Variants in COG5 observed in about 807,000 individuals in gnomAD.
The protein encoded by COG5 is conserved oligomeric Golgi complex subunit 5.
COG5 carries 86 observed loss-of-function variants against 110.4 expected under a neutral mutation model. That is an observed-to-expected ratio of 0.78 (90% confidence interval 0.65 to 0.93). COG5 has a LOEUF of 0.93. Among genes scored for constraint, COG5 ranks in the 40% least tolerant of loss-of-function variants. The pLI, the probability that COG5 is intolerant of heterozygous loss-of-function variation, is 0.00. For missense variants in COG5, 1,077 were observed against 987.0 expected, an observed-to-expected ratio of 1.09 and a Z score of -1.22; for synonymous variants, 360 against 334.6, an observed-to-expected ratio of 1.08 and a Z score of -0.83.
intron 14 of COG5, among the ~76,000 whole-genome samples, chr7:107,278,731 C>A (rs1804909475): frequency 6.6e-6 from 1 of 152,108 alleles, no homozygotes. Context: ...ACTGGCTAAC[C>A]ATATGCAGAA....
At chr7:107,561,355 G>T (rs982912532) in intron 1 of COG5, among the ~76,000 whole-genome samples, 4 of 152,208 alleles carry the variant, frequency 2.6e-5, no homozygotes, top group African/African-American at 9.7e-5. Flanking sequence ...CCTCAGGAAT[G>T]TTGGGGGTGG....
At chr7:107,330,490 C>T (rs1163424550) in intron 10 of COG5, among the ~76,000 whole-genome samples, 2 of 152,056 alleles carry the variant, frequency 1.3e-5, no homozygotes, top group East Asian at 3.9e-4. Flanking sequence ...TTAAACAAAA[C>T]AGCTTTCAAA....
At chr7:107,330,335 A>G (rs1032999531) in intron 10 of COG5, among the ~76,000 whole-genome samples, 1 of 152,250 alleles carries the variant, frequency 6.6e-6, no homozygotes, top group African/African-American at 2.4e-5. Context: ...ATTATTACAT[A>G]TAAATAGAAC....
chr7:107,248,042 A>G (rs192908359), intron 17 of COG5, among the ~76,000 whole-genome samples: 57 of 152,282 alleles, frequency 3.7e-4, no homozygotes, highest in African/African-American at 1.3e-3. Flanking sequence ...GAAGTAAGGA[A>G]AAAGACAAGC....
intron 6 of COG5, among the ~76,000 whole-genome samples, chr7:107,417,785 T>C (rs1334453510): frequency 6.6e-6 from 1 of 152,156 alleles, no homozygotes; most frequent in African/African-American, 2.4e-5. Flanking sequence ...GTTATGAAGC[T>C]GAATACTGTT....
rs184346859 is a variant in COG5, at chr7:107,203,972, G to A, written c.2376-342C>T. 2.0e-3 allele frequency among the ~76,000 whole-genome samples: 300 copies of A among 152,262 alleles called. 1 individual carries two copies. Among genetic ancestry groups the A allele is most frequent in the African/African-American group, 6.9e-3 (286 of 41,560 alleles). Reference sequence around the variant, plus strand: ...GACACCGGCAACGGAATGGGCATTTGTGCCTACTCCCAGAGCTCACGAGGG... The same window carrying A: ...GACACCGGCAACGGAATGGGCATTTATGCCTACTCCCAGAGCTCACGAGGG... On this transcript the variant is annotated intron_variant, in intron 21 of 21. Transcript: ENST00000297135.
chr7:107,464,413 T>C (rs1465158210), intron 6 of COG5, among the ~76,000 whole-genome samples: 4 of 152,160 alleles, frequency 2.6e-5, no homozygotes, highest in Non-Finnish European at 4.4e-5. Context: ...TTGAGAAGCT[T>C]CATTCATTTC....
In COG5 at chr7:107,234,100, G is replaced by A. The variant is rs1000920109; in HGVS notation, c.2091+2350C>T. Among the ~76,000 whole-genome samples, 20 of 152,302 alleles carry A rather than the reference G, an allele frequency of 1.3e-4. No individual in the cohort carries two copies. In the East Asian group the frequency reaches 3.5e-3, roughly 26 times the overall value. ...TCCACAGGACTGGAGCCATCCCCAAGGTGAGTGTCAGGATGTTTTGAAACT... is the reference window on the plus strand; with the variant it reads ...TCCACAGGACTGGAGCCATCCCCAAAGTGAGTGTCAGGATGTTTTGAAACT... On this transcript the variant is annotated intron_variant, in intron 18 of 21. Coordinates refer to ENST00000297135, the MANE Select transcript of COG5 (RefSeq NM_006348.5).
chr7:107,326,475 A>G (rs1234642837), intron 10 of COG5, among the ~76,000 whole-genome samples: 1 of 152,238 alleles, frequency 6.6e-6, no homozygotes, highest in Non-Finnish European at 1.5e-5. Context: ...CAAAATCAAC[A>G]CATAAAAATT....
chr7:107,454,184 T>C (rs1048872736), intron 6 of COG5, among the ~76,000 whole-genome samples: 1 of 152,140 alleles, frequency 6.6e-6, no homozygotes, highest in African/African-American at 2.4e-5. Context: ...GAATCCAATA[T>C]GATGAAACCA....
At chr7:107,443,345 T>C (rs1794832459) in intron 6 of COG5, among the ~76,000 whole-genome samples, 1 of 152,166 alleles carries the variant, frequency 6.6e-6, no homozygotes, top group African/African-American at 2.4e-5. Context: ...ATTAGTTGCC[T>C]AGGACTGCAT....
intron 10 of COG5, among the ~76,000 whole-genome samples, chr7:107,341,253 T>A (rs1811146736): frequency 6.6e-6 from 1 of 152,000 alleles, no homozygotes; most frequent in Non-Finnish European, 1.5e-5. Flanking sequence ...GAGAGCCAAA[T>A]GAAGAATGTA....
chr7:107,419,734 A>G (rs1285704854), intron 6 of COG5, among the ~76,000 whole-genome samples: 1 of 152,002 alleles, frequency 6.6e-6, no homozygotes, highest in Non-Finnish European at 1.5e-5. Context: ...TGCCCAGCTA[A>G]TTTTTGTATT....
chr7:107,331,111 C>T (rs1178715475), intron 10 of COG5, among the ~76,000 whole-genome samples: 1 of 152,172 alleles, frequency 6.6e-6, no homozygotes, highest in African/African-American at 2.4e-5. Flanking sequence ...TGTCTACATT[C>T]ATCATAGATA....
chr7:107,271,927 C>T (rs1350948887), intron 14 of COG5, among the ~76,000 whole-genome samples: 1 of 151,852 alleles, frequency 6.6e-6, no homozygotes, highest in Non-Finnish European at 1.5e-5. Context: ...TAGATTTGTT[C>T]TATTTTCATT....
chr7:107,406,533 A>C (rs1274820238), intron 7 of COG5, among the ~76,000 whole-genome samples: 2 of 152,156 alleles, frequency 1.3e-5, no homozygotes. Flanking sequence ...CAAACTTGAC[A>C]ACTGGTAAAA....
chr7:107,336,368 G>A (rs774004356), intron 10 of COG5, among the ~76,000 whole-genome samples: 1 of 152,078 alleles, frequency 6.6e-6, no homozygotes, highest in Non-Finnish European at 1.5e-5. Flanking sequence ...GAGTAGACTG[G>A]TGGTTACCAG....
chr7:107,303,156 T>A (rs547269326), intron 11 of COG5, among the ~76,000 whole-genome samples: 2 of 152,142 alleles, frequency 1.3e-5, no homozygotes, highest in East Asian at 3.9e-4. Flanking sequence ...TCTCAAATGA[T>A]CCTCCCACCT....
chr7:107,510,209 C>A (rs1799391738), intron 6 of COG5, among the ~76,000 whole-genome samples: 2 of 151,784 alleles, frequency 1.3e-5, no homozygotes, highest in South Asian at 4.2e-4. Flanking sequence ...GAAGATCTAC[C>A]AAGCAAATGG....
Sources: allele counts gnomAD v4.1 joint callset (sites outside exome capture counted in the v4.1 genomes callset), GRCh38; gene constraint gnomAD v4.1.1; transcripts MANE v1.5; gene names NCBI Gene and HGNC (gene_info 2026-07-23, HGNC 2026-07-21).